BMPR1B: variants seen among roughly 807,000 people sequenced by gnomAD.
The protein encoded by BMPR1B is bone morphogenetic protein receptor type 1B.
In BMPR1B, 12 loss-of-function variants were observed where a neutral mutation model predicts 59.1. The ratio of observed to expected loss-of-function variants is 0.20; its 90% confidence interval spans 0.13 to 0.33. The LOEUF (loss-of-function observed/expected upper bound fraction) is 0.33. Ranked by LOEUF, BMPR1B falls within the 10% of genes least tolerant of loss-of-function variation. The pLI, the probability that BMPR1B is intolerant of heterozygous loss-of-function variation, is 1.00. For synonymous variants in BMPR1B, 237 were observed against 207.3 expected (o/e 1.14, Z -1.23); for missense variants, 550 against 610.9 (o/e 0.90, Z 1.05).
chr4:95,115,620 T>C (rs1731967806), intron 5 of BMPR1B, 65 bp from the exon 6 acceptor site: 1 of 1,372,926 alleles, frequency 7.3e-7, no homozygotes, highest in African/African-American at 1.4e-5. Flanking sequence ...ATTTTTAAAG[T>C]TTTAGATGAT....
intron 1 of BMPR1B, among the ~76,000 whole-genome samples, chr4:94,768,989 C>T (rs1722073783): frequency 6.6e-6 from 1 of 152,098 alleles, no homozygotes; most frequent in South Asian, 2.1e-4. Flanking sequence ...TTCATCAACA[C>T]CTTTCTAGCT....
chr4:95,088,087 A>G (rs1371539829), intron 3 of BMPR1B, among the ~76,000 whole-genome samples: 3 of 152,148 alleles, frequency 2.0e-5, no homozygotes, highest in East Asian at 1.9e-4. Flanking sequence ...TATTACATTC[A>G]CAGATTTTTC....
chr4:94,869,729 TTTG>T (rs1210252399), intron 1 of BMPR1B, among the ~76,000 whole-genome samples: 1 of 152,238 alleles, frequency 6.6e-6, no homozygotes, highest in Non-Finnish European at 1.5e-5. Context: ...AACATTTTAA[TTTG>T]TTATTTTTCC....
chr4:95,067,659 T>C (rs1727937462), intron 3 of BMPR1B, among the ~76,000 whole-genome samples: 1 of 152,222 alleles, frequency 6.6e-6, no homozygotes, highest in African/African-American at 2.4e-5. Context: ...AAGTCTGAGA[T>C]GAGACACAAA....
chr4:94,882,197 A>C (rs1174606884), intron 2 of BMPR1B, among the ~76,000 whole-genome samples: 6 of 152,202 alleles, frequency 3.9e-5, no homozygotes, highest in African/African-American at 1.4e-4. Context: ...TTTAATTAAA[A>C]AAATTATTTC....
chr4:95,086,134 A>G (rs1210342953), intron 3 of BMPR1B, among the ~76,000 whole-genome samples: 2 of 152,222 alleles, frequency 1.3e-5, no homozygotes, highest in African/African-American at 4.8e-5. Context: ...TCATAAAGCT[A>G]TGACTATTAG....
chr4:94,841,703 A>AG (rs1347031659), intron 1 of BMPR1B, among the ~76,000 whole-genome samples: 1 of 152,172 alleles, frequency 6.6e-6, no homozygotes, highest in Non-Finnish European at 1.5e-5. Context: ...ATGGAAATGC[A>AG]GAAATCACCC....
chr4:95,082,663 A>G (rs1729248734), intron 3 of BMPR1B, among the ~76,000 whole-genome samples: 1 of 152,160 alleles, frequency 6.6e-6, no homozygotes, highest in Admixed American at 6.5e-5. Flanking sequence ...CAGATCTGGA[A>G]TCCTTGTTTT....
chr4:94,802,629 G>C (rs1370529037), intron 1 of BMPR1B, among the ~76,000 whole-genome samples: 1 of 151,742 alleles, frequency 6.6e-6, no homozygotes, highest in African/African-American at 2.4e-5. Flanking sequence ...AGTTTTGATA[G>C]AATTAGAGGA....
intron 2 of BMPR1B, among the ~76,000 whole-genome samples, chr4:94,947,932 C>G (rs1346173932): frequency 5.9e-5 from 9 of 152,176 alleles, no homozygotes; most frequent in Admixed American, 5.9e-4. Context: ...ACTACTGCTG[C>G]TGGTACTGTG....
intron 1 of BMPR1B, among the ~76,000 whole-genome samples, chr4:94,873,651 G>A (rs1444220450): frequency 2.0e-5 from 3 of 152,038 alleles, no homozygotes; most frequent in Non-Finnish European, 4.4e-5. Flanking sequence ...CTTGTGATCT[G>A]CCCACCTCGC....
At chr4:95,079,161 C>T (rs867806581) in intron 3 of BMPR1B, among the ~76,000 whole-genome samples, 1 of 152,108 alleles carries the variant, frequency 6.6e-6, no homozygotes, top group Non-Finnish European at 1.5e-5. Context: ...TTTTAGAAAG[C>T]AGAGATTTTA....
At chr4:94,953,377 T>A (rs1255764410) in intron 2 of BMPR1B, among the ~76,000 whole-genome samples, 2 of 152,294 alleles carry the variant, frequency 1.3e-5, no homozygotes, top group African/African-American at 2.4e-5. Flanking sequence ...ACATTTTGTT[T>A]TGTTTTTACA....
chr4:94,924,913 T>C (rs1179948166), intron 2 of BMPR1B, among the ~76,000 whole-genome samples: 1 of 152,182 alleles, frequency 6.6e-6, no homozygotes, highest in African/African-American at 2.4e-5. Context: ...TTATTGCCAC[T>C]GAACTTTGGC....
intron 1 of BMPR1B, among the ~76,000 whole-genome samples, chr4:94,764,489 C>T (rs1056298827): frequency 2.0e-5 from 3 of 152,206 alleles, no homozygotes; most frequent in African/African-American, 7.2e-5. Flanking sequence ...TTTTCCACTA[C>T]TGCCCACACC....
intron 1 of BMPR1B, among the ~76,000 whole-genome samples, chr4:94,859,965 G>A (rs1342761558): frequency 6.6e-5 from 10 of 152,046 alleles, no homozygotes; most frequent in Admixed American, 1.3e-4. Flanking sequence ...GATCAGCATC[G>A]TTTTGCAGAT....
At chr4:95,072,135 G>A (rs182736836) in intron 3 of BMPR1B, among the ~76,000 whole-genome samples, 22 of 152,250 alleles carry the variant, frequency 1.4e-4, no homozygotes, top group Admixed American at 1.3e-3. Context: ...AAAAGCCCAT[G>A]TCCTAGTATG....
chr4:94,946,911 G>A (rs766390015), intron 2 of BMPR1B, among the ~76,000 whole-genome samples: 3 of 152,046 alleles, frequency 2.0e-5, no homozygotes, highest in African/African-American at 4.8e-5. Context: ...AATTAGCCAG[G>A]TGTGGTGGCG....
chr4:94,827,357 CTTTA>C (rs1320566336), intron 1 of BMPR1B, among the ~76,000 whole-genome samples: 1 of 151,894 alleles, frequency 6.6e-6, no homozygotes, highest in African/African-American at 2.4e-5. Context: ...TGTATATAAA[CTTTA>C]TTTCTGTTTC....
Sources: gnomAD v4.1 joint callset for allele counts (sites outside exome capture counted in the v4.1 genomes callset) on GRCh38, gnomAD v4.1.1 for gene constraint, MANE v1.5 for transcripts, NCBI Gene and HGNC (gene_info 2026-07-23, HGNC 2026-07-21) for gene names.